The following EEF2K variants were observed in gnomAD, a reference collection of about 807,000 sequenced individuals.
The protein encoded by EEF2K is alternative protein EEF2K.
In EEF2K, 70 loss-of-function variants were observed where a neutral mutation model predicts 93.8. The ratio of observed to expected loss-of-function variants is 0.75; its 90% CI spans 0.62 to 0.91. The LOEUF (loss-of-function observed/expected upper bound fraction) is 0.91, where lower values mean the gene tolerates loss of function less well. Ranked by LOEUF, EEF2K falls within the 40% of genes least tolerant of loss-of-function variation. The probability of loss-of-function intolerance (pLI) is 0.00; values close to 1 mark genes in which losing one functional copy is unlikely to be tolerated. For missense variants in EEF2K, 935 were observed against 972.9 expected (o/e 0.96, Z 0.52); for synonymous variants, 376 against 380.8 (o/e 0.99, Z 0.15).
At chr16:22,229,470 G>A (rs11863186) in intron 2 of EEF2K, among the ~76,000 whole-genome samples, 46,211 of 151,990 alleles carry the variant, frequency 0.3, 8,588 homozygotes, top group East Asian at 0.56. Context: ...ATCCCAGCAC[G>A]GGCAGGCAGA....
chr16:22,217,153 C>A (rs1357154366), intron 1 of EEF2K, among the ~76,000 whole-genome samples: 4 of 123,566 alleles, frequency 3.2e-5, no homozygotes, highest in Non-Finnish European at 6.4e-5. Flanking sequence ...AGAGCAAGAC[C>A]CTGTCTCAAA....
intron 1 of EEF2K, among the ~76,000 whole-genome samples, chr16:22,211,523 A>G (rs1428659521): frequency 6.6e-6 from 1 of 151,978 alleles, no homozygotes; most frequent in Non-Finnish European, 1.5e-5. Flanking sequence ...GCAGTGGCAC[A>G]ATCTTGGCTT....
Position 22,248,743 on chromosome 16 carries a change from G to A in EEF2K, c.348-12G>A. The stretch of plus-strand genomic sequence containing the variant: ...ATGGACGCTGTGCCCCATGGTGGAT[G>A]GGTCTCTGCAGGTACAACGCCGTCA... On this transcript the variant is annotated splice_polypyrimidine_tract_variant and intron_variant, in intron 3 of 17. Transcript: ENST00000263026. The A allele has an allele frequency of 6.2e-7, 1 of 1,613,704 alleles. No individual in the cohort carries two copies. The highest frequency in any genetic ancestry group is 1.1e-5 in the South Asian group (1 of 91,060).
chr16:22,263,999 TA>T (rs2047491982), intron 12 of EEF2K, among the ~76,000 whole-genome samples: 1 of 151,856 alleles, frequency 6.6e-6, no homozygotes, highest in African/African-American at 2.4e-5. Context: ...TGATTGTGAA[TA>T]AAGAACATGC....
intron 2 of EEF2K, among the ~76,000 whole-genome samples, chr16:22,243,610 C>T (rs936229948): frequency 6.6e-6 from 1 of 151,674 alleles, no homozygotes; most frequent in African/African-American, 2.4e-5. Context: ...CCCTGATATC[C>T]GGGCCAGCAC....
At chr16:22,256,997 A>C in intron 7 of EEF2K, 100 bp downstream of exon 7, 1 of 1,539,560 alleles carries the variant, frequency 6.5e-7, no homozygotes, top group Non-Finnish European at 8.7e-7. Context: ...GTGGGCTTGG[A>C]GTCTCACCCC....
In EEF2K at chr16:22,280,193, G is replaced by T; in HGVS notation, c.1890-5G>T. ...TCCACCTTTCCCTCTGTATCTCCTG[G>T]CAAGGTGCCAAGACTGGCTAGAGGC... is the stretch of plus-strand genomic sequence containing the variant. On this transcript the variant is annotated splice_polypyrimidine_tract_variant and splice_region_variant and intron_variant, in intron 16 of 17. Coordinates refer to ENST00000263026, the MANE Select transcript of EEF2K (RefSeq NM_013302.5). 4 of 1,473,020 alleles carry T rather than the reference G, an allele frequency of 2.7e-6. No homozygotes were observed. Among genetic ancestry groups the T allele is most frequent in the Non-Finnish European group, 3.6e-6 (4 of 1,105,130 alleles). 91.2% of individuals were successfully genotyped at this position (1,473,020 alleles called of 1,614,324 possible). A position where few individuals can be genotyped will look rare whatever the true frequency, so the allele number is the denominator to read the frequency against.
chr16:22,258,469 T>G, intron 9 of EEF2K, 25 bp from the exon 10 acceptor site: 56 of 1,610,792 alleles, frequency 3.5e-5, no homozygotes, highest in Non-Finnish European at 4.4e-5. Context: ...GTGCGTGACA[T>G]GAGTATCCCT....
intron 17 of EEF2K, among the ~76,000 whole-genome samples, chr16:22,283,328 A>AG (rs1169543267): frequency 7.7e-4 from 110 of 142,914 alleles, no homozygotes; most frequent in East Asian, 1.4e-3. Flanking sequence ...AAAAAAAAAA[A>AG]AAGAAGAAGA....
chr16:22,277,228 T>C (rs2047646325), intron 16 of EEF2K, among the ~76,000 whole-genome samples: 1 of 152,132 alleles, frequency 6.6e-6, no homozygotes, highest in Non-Finnish European at 1.5e-5. Flanking sequence ...TCTCAACCTC[T>C]CAGGCTCAGG....
chr16:22,245,448 C>A (rs2047278721), intron 3 of EEF2K, among the ~76,000 whole-genome samples: 1 of 151,970 alleles, frequency 6.6e-6, no homozygotes, highest in East Asian at 1.9e-4. Context: ...CCCTCTGAGC[C>A]TAGGGGAGGT....
chr16:22,260,907 A>G (rs909846404), intron 11 of EEF2K, among the ~76,000 whole-genome samples: 1 of 152,186 alleles, frequency 6.6e-6, no homozygotes, highest in African/African-American at 2.4e-5. Context: ...ACAGTAAGCC[A>G]TGTGTTCTAG....
intron 2 of EEF2K, among the ~76,000 whole-genome samples, chr16:22,238,281 C>T (rs930976055): frequency 6.6e-6 from 1 of 152,074 alleles, no homozygotes; most frequent in African/African-American, 2.4e-5. Context: ...AGTGAGACCA[C>T]GTCCCCCACT....
chr16:22,242,232 C>T, intron 2 of EEF2K, among the ~76,000 whole-genome samples: 1 of 152,120 alleles, frequency 6.6e-6, no homozygotes, highest in East Asian at 1.9e-4. Flanking sequence ...TATTGGAAGG[C>T]CCAGCTCCAC....
intron 6 of EEF2K, among the ~76,000 whole-genome samples, chr16:22,255,376 C>T (rs1028291304): frequency 3.3e-5 from 5 of 152,196 alleles, no homozygotes; most frequent in Admixed American, 6.5e-5. Flanking sequence ...CTAGAGAACT[C>T]GTTCCTTTGG....
Position 22,251,253 on chromosome 16 carries a change from G to A in EEF2K, c.549G>A (p.Glu183=), listed in dbSNP as rs1043142258. 1.9e-6 allele frequency: 3 copies of A among 1,614,014 alleles called. No homozygotes were observed. Among genetic ancestry groups the A allele is most frequent in the East Asian group, 2.2e-5 (1 of 44,876 alleles). The part of the protein sequence containing the change: ...IEPVDRDVYF[E]DVRLQMEAKL... ...CCGTAGACCGGGATGTGTACTTTGA[G>A]GACGTGCGTCTACAGATGGAGGCCA... The change falls in exon 6 of 18, where the codon GAG becomes GAA. Residue 183 remains glutamate, a synonymous_variant. Coordinates refer to ENST00000263026, the MANE Select transcript of EEF2K (RefSeq NM_013302.5).
At position 22,206,328 on chromosome 16, in the gene EEF2K, A is replaced by G. The variant is rs2046860911; in HGVS notation, c.-428A>G. On this transcript the variant is annotated 5_prime_UTR_variant, in exon 1 of 18. Transcript: ENST00000263026. ...CAGCCTCAGCTCCCCTCCTTCCTGG[A>G]TCGAGCGCCCGCACTCCCGGCCCTG... 1 of 149,830 alleles carries G rather than the reference A, an allele frequency of 6.7e-6. No individual in the cohort carries two copies. The highest frequency in any genetic ancestry group is 6.6e-5 in the Admixed American group (1 of 15,074). 9.3% of individuals were successfully genotyped at this position (149,830 alleles called of 1,614,324 possible).
chr16:22,267,002 A>G (rs1329160596), intron 15 of EEF2K, 126 bp downstream of exon 15: 3 of 1,190,282 alleles, frequency 2.5e-6, no homozygotes, highest in Non-Finnish European at 1.2e-6. Context: ...TGCATGCCAC[A>G]AAAATGTCCC....
intron 1 of EEF2K, among the ~76,000 whole-genome samples, chr16:22,212,600 G>A (rs1343110530): frequency 6.6e-6 from 1 of 152,078 alleles, no homozygotes; most frequent in African/African-American, 2.4e-5. Context: ...GATTACAGTC[G>A]TGAGCCACCG....
Sources: gnomAD v4.1 joint callset for allele counts (sites outside exome capture counted in the v4.1 genomes callset) on GRCh38, gnomAD v4.1.1 for gene constraint, MANE v1.5 for transcripts, NCBI Gene and HGNC (gene_info 2026-07-23, HGNC 2026-07-21) for gene names.